The following SEL1L variants were observed in gnomAD, a reference collection of about 807,000 sequenced individuals.
SEL1L encodes protein sel-1 homolog 1.
Under a neutral mutation model 109.8 loss-of-function variants are expected in SEL1L, and 52 were observed. The observed-to-expected ratio is 0.47, with a 90% CI of 0.38 to 0.60. The LOEUF is 0.60. Ranked by LOEUF, SEL1L falls within the 20% of genes least tolerant of loss-of-function variation. The probability of loss-of-function intolerance (pLI) is 0.00; values close to 1 mark genes in which losing one functional copy is unlikely to be tolerated. For missense variants in SEL1L, 749 were observed against 962.2 expected (o/e 0.78, Z 2.93); for synonymous variants, 373 against 339.6 (o/e 1.10, Z -1.08).
intron 20 of SEL1L, among the ~76,000 whole-genome samples, chr14:81,477,891 A>G (rs184237830): frequency 6.6e-6 from 1 of 152,338 alleles, no homozygotes; most frequent in Non-Finnish European, 1.5e-5. Context: ...ACTGGCAGTG[A>G]CAGCACACCA....
At position 81,489,350 on chromosome 14, in the gene SEL1L, G is replaced by T. The variant is rs1474286715; in HGVS notation, c.1333-36C>A. The T allele has an allele frequency of 3.9e-6, 6 of 1,548,280 alleles. No homozygotes were observed. In the East Asian group the frequency reaches 9.0e-5, roughly 23 times the overall value. On this transcript the variant is annotated intron_variant, in intron 13 of 20. Transcript: ENST00000336735. Reference sequence around the variant, plus strand: ...GAGAAATCAGACAAAAGAGTGAAAAGAATTCATTCAAAAATAGGCAAGAAT... The same window carrying T: ...GAGAAATCAGACAAAAGAGTGAAAATAATTCATTCAAAAATAGGCAAGAAT...
In SEL1L at chr14:81,484,303, C is replaced by T; in HGVS notation, c.1968G>A (p.Leu656=). The part of the protein sequence containing the change: ...DYETAFIHYR[L]ASEQQHSAQA... ...GTGCACTGTGTTGCTGCTCAGAAGC[C>T]AGACGGTAATGAATAAATGCAGTTT... The change falls in exon 19 of 21, where the codon CTG becomes CTA. Residue 656 remains leucine (L), a synonymous_variant. Transcript: ENST00000336735. The T allele has an allele frequency of 6.2e-7, 1 of 1,614,126 alleles. No individual in the cohort carries two copies. The highest frequency in any genetic ancestry group is 8.5e-7 in the Non-Finnish European group (1 of 1,179,986).
In SEL1L at chr14:81,502,902, A is replaced by G. The variant is rs780026318; in HGVS notation, c.615-19T>C. 3.8e-6 allele frequency: 6 copies of G among 1,567,392 alleles called. No homozygotes were observed. The highest frequency in any genetic ancestry group is 5.2e-6 in the Non-Finnish European group (6 of 1,155,094). On this transcript the variant is annotated intron_variant, in intron 5 of 20. Transcript: ENST00000336735. ...ATATGCTCTTCAAATGTAAACAATT[A>G]AAAACCAAATTAGTAATGTTTTGAA...
In SEL1L at chr14:81,501,803, A is replaced by G. The variant is rs568767316; in HGVS notation, c.777+918T>C. Among the ~76,000 whole-genome samples, 5 of 152,322 alleles carry G rather than the reference A, an allele frequency of 3.3e-5. No individual in the cohort carries two copies. The East Asian group carries it at 7.7e-4, about 23-fold the overall frequency. On this transcript the variant is annotated intron_variant, in intron 6 of 20. Coordinates refer to ENST00000336735, the MANE Select transcript of SEL1L (RefSeq NM_005065.6). ...ACTGATGTGATACAATGTAGAATAC[A>G]GAACATCCCTTGTAATGTAGTCTAG...
chr14:81,525,134 A>G (rs1356564877), intron 3 of SEL1L, among the ~76,000 whole-genome samples: 4 of 152,248 alleles, frequency 2.6e-5, no homozygotes, highest in African/African-American at 9.6e-5. Flanking sequence ...TAGGAAAGAA[A>G]AAAAGGGCAA....
At chr14:81,491,134 G>C (rs1195936086) in intron 12 of SEL1L, among the ~76,000 whole-genome samples, 2 of 152,188 alleles carry the variant, frequency 1.3e-5, no homozygotes, top group Non-Finnish European at 2.9e-5. Context: ...CTTAGGATCA[G>C]ATCAGTGATT....
Position 81,502,877 on chromosome 14 carries a change from A to G in SEL1L, c.621T>C (p.Tyr207=). Residue 207 remains tyrosine (Y), a synonymous_variant, in exon 6 of 21, where the codon TAT becomes TAC. Coordinates refer to ENST00000336735, the MANE Select transcript of SEL1L (RefSeq NM_005065.6). The part of the protein sequence containing the change: ...SNKKSQKREA[Y]RYLQKAASMN... ...TGCTTGCTGCCTTTTGGAGATACCG[A>G]TATGCTCTTCAAATGTAAACAATTA... 1 of 1,602,218 alleles carries G rather than the reference A, an allele frequency of 6.2e-7. No homozygotes were observed. Among genetic ancestry groups the G allele is most frequent in the Non-Finnish European group, 8.5e-7 (1 of 1,174,662 alleles).
In SEL1L at chr14:81,477,267, A is replaced by G; in HGVS notation, c.2176-86T>C. 19 of 1,071,706 alleles carry G rather than the reference A, an allele frequency of 1.8e-5. No individual in the cohort carries two copies. In the South Asian group the frequency reaches 2.8e-4, roughly 16 times the overall value. 66.4% of individuals were successfully genotyped at this position (1,071,706 alleles called of 1,614,324 possible). A position where few individuals can be genotyped will look rare whatever the true frequency, so the allele number is the denominator to read the frequency against. On this transcript the variant is annotated intron_variant, in intron 20 of 20. Transcript: ENST00000336735. ...AAGTTACATCACCAGAAGTAAGTAC[A>G]GAAATTAAAATAATTTGTTTTAAAA...
chr14:81,510,097 G>A (rs1424482052), intron 3 of SEL1L, among the ~76,000 whole-genome samples: 2 of 152,166 alleles, frequency 1.3e-5, no homozygotes, highest in Non-Finnish European at 2.9e-5. Flanking sequence ...AAATTCTAAG[G>A]AACCAGCAGC....
intron 1 of SEL1L, among the ~76,000 whole-genome samples, chr14:81,530,837 T>G (rs1179889004): frequency 6.6e-6 from 1 of 152,220 alleles, no homozygotes; most frequent in Non-Finnish European, 1.5e-5. Context: ...CTGGGCTACA[T>G]AGTGTAGCCT....
rs546437725 is a variant in SEL1L at position 81,486,351 on chromosome 14, A to T, written c.1736T>A (p.Leu579His). ...GDYNAAVIQY[L>H]LLAEQGYEVA... Reference sequence around the variant, plus strand: ...TTCATAGCCCTGTTCAGCCAGGAGGAGGTACTGGATCACTGCAGCATTGTA... The same window carrying T: ...TTCATAGCCCTGTTCAGCCAGGAGGTGGTACTGGATCACTGCAGCATTGTA... The change falls in exon 17 of 21, where the codon CTC becomes CAC. Residue 579 changes from leucine (L) to histidine (H), a missense_variant. Coordinates refer to ENST00000336735, the MANE Select transcript of SEL1L (RefSeq NM_005065.6). 5.6e-6 allele frequency: 9 copies of T among 1,614,148 alleles called. No homozygotes were observed. The East Asian group carries it at 1.1e-4, about 20-fold the overall frequency.
chr14:81,514,146 C>G (rs1256058695), intron 3 of SEL1L, among the ~76,000 whole-genome samples: 2 of 152,230 alleles, frequency 1.3e-5, no homozygotes, highest in Non-Finnish European at 2.9e-5. Context: ...GGCTCACTAA[C>G]CAGAAAGACA....
At chr14:81,480,410 C>G (rs953457297) in intron 19 of SEL1L, among the ~76,000 whole-genome samples, 1 of 152,060 alleles carries the variant, frequency 6.6e-6, no homozygotes, top group Non-Finnish European at 1.5e-5. Context: ...AGGATGGTCT[C>G]GATCTCCTGA....
At chr14:81,484,643 G>T in intron 18 of SEL1L, 1 of 354,730 alleles carries the variant, frequency 2.8e-6, no homozygotes, top group East Asian at 4.3e-5. Flanking sequence ...TGTGTGTAGG[G>T]GGACAGGTTT....
chr14:81,498,134 T>G (rs575096687), intron 9 of SEL1L, 88 bp from the exon 10 acceptor site: 1 of 1,329,288 alleles, frequency 7.5e-7, no homozygotes, highest in African/African-American at 1.5e-5. Flanking sequence ...CTGCCAAACG[T>G]TGACGAACAC....
Position 81,533,763 on chromosome 14 carries a change from G to C in SEL1L, c.-19C>G, listed in dbSNP as rs370807195. ...CCCGCATCCTCCTCTCGGGGCCGGT[G>C]CCAACCCCTAGAGCTGTCGCCTTCG... is the stretch of plus-strand genomic sequence containing the variant. On this transcript the variant is annotated 5_prime_UTR_variant, in exon 1 of 21. Transcript: ENST00000336735. 5.6e-6 allele frequency: 9 copies of C among 1,611,040 alleles called. No homozygotes were observed. In the African/African-American group the frequency reaches 1.2e-4, roughly 22 times the overall value.
At chr14:81,516,523 C>G (rs1026359380) in intron 3 of SEL1L, among the ~76,000 whole-genome samples, 2 of 152,126 alleles carry the variant, frequency 1.3e-5, no homozygotes, top group African/African-American at 2.4e-5. Context: ...TTTGTTGTCC[C>G]CTGCTTAAGG....
rs372736352 is a variant in SEL1L, at chr14:81,504,204, C to T, written c.611G>A (p.Arg204Lys). 407 of 1,583,520 alleles carry T rather than the reference C, an allele frequency of 2.6e-4. No individual in the cohort carries two copies. The highest frequency in any genetic ancestry group is 3.4e-4 in the Non-Finnish European group (392 of 1,164,020). Residue 204 changes from arginine (R) to lysine (K), a missense_variant, in exon 5 of 21, where the codon AGA (arginine) becomes AAA (lysine). Arg to Lys is a conservative substitution (Grantham distance 26). Coordinates refer to ENST00000336735, the MANE Select transcript of SEL1L (RefSeq NM_005065.6). Reference protein sequence around the residue: ...LNGSNKKSQKREAYRYLQKAA... With the variant: ...LNGSNKKSQKKEAYRYLQKAA... Reference sequence around the variant, plus strand: ...TGGACTTAGCAGTGCTACCTACTCTCTTTTTTGGCTTTTCTTATTGCTTCC... The same window carrying T: ...TGGACTTAGCAGTGCTACCTACTCTTTTTTTTGGCTTTTCTTATTGCTTCC...
intron 1 of SEL1L, among the ~76,000 whole-genome samples, chr14:81,529,787 AAC>A (rs1885256093): frequency 2.0e-5 from 3 of 152,340 alleles, no homozygotes; most frequent in African/African-American, 7.2e-5. Context: ...TTCTTTTTCA[AAC>A]TGATATAAAC....
Sources: allele counts gnomAD v4.1 joint callset (sites outside exome capture counted in the v4.1 genomes callset), GRCh38; gene constraint gnomAD v4.1.1; transcripts MANE v1.5; gene names NCBI Gene and HGNC (gene_info 2026-07-23, HGNC 2026-07-21).